Variants in HSD17B12 observed in about 807,000 individuals in gnomAD.
HSD17B12 encodes the protein hydroxysteroid 17-beta dehydrogenase 12, also known as very-long-chain 3-oxoacyl-CoA reductase.
Under a neutral mutation model 39.3 loss-of-function variants are expected in HSD17B12, and 32 were observed. That is an observed-to-expected ratio of 0.81 (90% CI 0.61 to 1.09). The LOEUF is 1.09. Ranked by LOEUF, HSD17B12 falls within the 50% of genes least tolerant of loss-of-function variation. The pLI, the probability that HSD17B12 is intolerant of heterozygous loss-of-function variation, is 0.00. For missense variants in HSD17B12, 342 were observed against 382.9 expected (o/e 0.89, Z 0.89); for synonymous variants, 150 against 146.7 (o/e 1.02, Z -0.16).
chr11:43,855,008 A>G (rs1438504940), intron 10 of HSD17B12, 136 bp from the exon 11 acceptor site: 2 of 1,068,626 alleles, frequency 1.9e-6, no homozygotes, highest in East Asian at 2.5e-5. Context: ...TTATAATTAT[A>G]ATGGTCGTAT....
rs923839523 is a variant in HSD17B12, at chr11:43,751,016, A to G, written c.207+59A>G. On this transcript the variant is annotated intron_variant, in intron 2 of 10. Coordinates refer to ENST00000278353, the MANE Select transcript of HSD17B12 (RefSeq NM_016142.3). ...AAAAAATAAGAATAAATATGGGATG[A>G]TTTCTTATAGTAGTTTTGATTTTTG... 16 of 1,114,402 alleles carry G rather than the reference A, an allele frequency of 1.4e-5. No individual in the cohort carries two copies. The African/African-American group carries it at 2.6e-4, about 18-fold the overall frequency. 69.0% of individuals were successfully genotyped at this position (1,114,402 alleles called of 1,614,324 possible).
intron 9 of HSD17B12, chr11:43,853,216 A>T (rs999872870): frequency 6.6e-6 from 1 of 152,090 alleles, no homozygotes; most frequent in African/African-American, 2.4e-5. Flanking sequence ...GGGCGCCTGT[A>T]GTCCCAGCTA....
At chr11:43,785,093 AG>A (rs923409377) in intron 3 of HSD17B12, among the ~76,000 whole-genome samples, 2 of 94,150 alleles carry the variant, frequency 2.1e-5, no homozygotes, top group Non-Finnish European at 5.0e-5. Flanking sequence ...CTAAGTAAAC[AG>A]GGTTTTTTTT....
chr11:43,609,163 C>A, the HSD17B12 span, among the ~76,000 whole-genome samples: 4 of 151,746 alleles, frequency 2.6e-5, no homozygotes, highest in Admixed American at 1.3e-4. Context: ...TGGTCTCAAA[C>A]TCCTTGGCTC....
At chr11:43,658,583 C>T in the HSD17B12 span, among the ~76,000 whole-genome samples, 573 of 152,190 alleles carry the variant, frequency 3.8e-3, 9 homozygotes, top group African/African-American at 0.013. Context: ...TGTAGATGTC[C>T]TTTCTGTTTG....
intron 1 of HSD17B12, among the ~76,000 whole-genome samples, chr11:43,732,714 T>A (rs922240596): frequency 6.6e-6 from 1 of 152,092 alleles, no homozygotes; most frequent in Non-Finnish European, 1.5e-5. Flanking sequence ...CCTTCTGCGT[T>A]GGCTTCTCAA....
At chr11:43,776,228 TA>T (rs1179345024) in intron 3 of HSD17B12, among the ~76,000 whole-genome samples, 4 of 152,064 alleles carry the variant, frequency 2.6e-5, no homozygotes, top group Non-Finnish European at 5.9e-5. Flanking sequence ...ACCAACAGTG[TA>T]AAGTGTTCCT....
chr11:43,722,877 T>C (rs570629849), intron 1 of HSD17B12, among the ~76,000 whole-genome samples: 1 of 152,176 alleles, frequency 6.6e-6, no homozygotes, highest in African/African-American at 2.4e-5. Flanking sequence ...GTGTGCTATT[T>C]TGAGTAATGG....
At chr11:43,698,318 G>A (rs1377835458) in intron 1 of HSD17B12, among the ~76,000 whole-genome samples, 7 of 152,128 alleles carry the variant, frequency 4.6e-5, no homozygotes, top group Admixed American at 2.0e-4. Context: ...CTGTAGATTC[G>A]CACCAAGCTG....
intron 3 of HSD17B12, among the ~76,000 whole-genome samples, chr11:43,760,264 G>A (rs1300370003): frequency 6.6e-6 from 1 of 152,024 alleles, no homozygotes; most frequent in East Asian, 1.9e-4. Context: ...TACCCAGGCT[G>A]GTCTCCAGCT....
the HSD17B12 span, among the ~76,000 whole-genome samples, chr11:43,634,720 G>T: frequency 6.6e-6 from 1 of 152,178 alleles, no homozygotes; most frequent in African/African-American, 2.4e-5. Flanking sequence ...CCAGGAGGGT[G>T]GGATTGAATG....
chr11:43,643,743 T>C, the HSD17B12 span, among the ~76,000 whole-genome samples: 1 of 152,200 alleles, frequency 6.6e-6, no homozygotes, highest in Non-Finnish European at 1.5e-5. Flanking sequence ...ATGTAGAACA[T>C]TGTGGGCAGT....
intron 1 of HSD17B12, among the ~76,000 whole-genome samples, chr11:43,713,307 T>C (rs979434307): frequency 1.7e-5 from 2 of 117,056 alleles, no homozygotes; most frequent in African/African-American, 6.6e-5. Context: ...GGCCCCAGTG[T>C]GTGATGTTCC....
chr11:43,818,583 CAT>C (rs1479746104), intron 6 of HSD17B12, among the ~76,000 whole-genome samples: 1 of 152,090 alleles, frequency 6.6e-6, no homozygotes, highest in Non-Finnish European at 1.5e-5. Flanking sequence ...TTCAGTAACT[CAT>C]ATATACTAGT....
chr11:43,802,237 C>T (rs1004113843), intron 4 of HSD17B12, among the ~76,000 whole-genome samples: 4 of 151,930 alleles, frequency 2.6e-5, no homozygotes, highest in South Asian at 2.1e-4. Flanking sequence ...CTGCCCGCCT[C>T]GGCCTCCCAA....
At chr11:43,753,671 C>T (rs977560176) in intron 2 of HSD17B12, among the ~76,000 whole-genome samples, 7 of 151,644 alleles carry the variant, frequency 4.6e-5, no homozygotes, top group African/African-American at 1.7e-4. Context: ...ACTTCGGCCT[C>T]CTGAATTGCT....
chr11:43,777,424 T>C (rs1422702318), intron 3 of HSD17B12, among the ~76,000 whole-genome samples: 3 of 152,216 alleles, frequency 2.0e-5, no homozygotes, highest in Admixed American at 1.3e-4. Context: ...TGTTGGTGTA[T>C]AAGGATGCTT....
the HSD17B12 span, among the ~76,000 whole-genome samples, chr11:43,588,577 T>C: frequency 7.0e-6 from 1 of 143,432 alleles, no homozygotes; most frequent in Admixed American, 7.3e-5. Context: ...GCCTAGTCAG[T>C]GTTCAAAAAA....
At chr11:43,678,199 T>TC (rs1949708088), upstream of HSD17B12, among the ~76,000 whole-genome samples, 1 of 151,980 alleles carries the variant, frequency 6.6e-6, no homozygotes, top group Non-Finnish European at 1.5e-5. Context: ...ATGAGCATTT[T>TC]TTCATGTGTC....
Sources: gnomAD v4.1 joint callset for allele counts (sites outside exome capture counted in the v4.1 genomes callset) on GRCh38, gnomAD v4.1.1 for gene constraint, MANE v1.5 for transcripts, NCBI Gene and HGNC (gene_info 2026-07-23, HGNC 2026-07-21) for gene names.